ERGIC2: variants seen among roughly 807,000 people sequenced by gnomAD.
ERGIC2 encodes the protein endoplasmic reticulum-Golgi intermediate compartment protein 2.
In ERGIC2, 31 loss-of-function variants were observed where a neutral mutation model predicts 52.5. The observed-to-expected ratio is 0.59, with a 90% CI of 0.44 to 0.80. The LOEUF (loss-of-function observed/expected upper bound fraction) is 0.80. Ranked by LOEUF, ERGIC2 falls within the 30% of genes least tolerant of loss-of-function variation. The probability of loss-of-function intolerance (pLI) is 0.00; values close to 1 mark genes in which losing one functional copy is unlikely to be tolerated. For synonymous variants in ERGIC2, 129 were observed against 140.6 expected (o/e 0.92, Z 0.58); for missense variants, 395 against 455.2 (o/e 0.87, Z 1.20).
chr12:29,357,775 T>G, intron 6 of ERGIC2, 51 bp from the exon 7 acceptor site: 3 of 970,888 alleles, frequency 3.1e-6, no homozygotes, highest in Non-Finnish European at 4.9e-6. Context: ...CAAAGAGAGC[T>G]GACACTTATT....
chr12:29,344,201 A>AT (rs764026048), intron 11 of ERGIC2, among the ~76,000 whole-genome samples: 38 of 152,286 alleles, frequency 2.5e-4, no homozygotes, highest in Non-Finnish European at 5.4e-4. Context: ...ACTATTACAG[A>AT]TAACAATGCA....
Position 29,381,119 on chromosome 12 carries a change from T to G in ERGIC2, c.-42A>C, listed in dbSNP as rs1940583156. 1 of 152,134 alleles carries G rather than the reference T, an allele frequency of 6.6e-6. No individual in the cohort carries two copies. Among genetic ancestry groups the G allele is most frequent in the Non-Finnish European group, 1.5e-5 (1 of 68,036 alleles). The allele number at this position is 152,134 out of a possible 1,614,324, so 9.4% of individuals were successfully genotyped here. A position where few individuals can be genotyped will look rare whatever the true frequency, so the allele number is the denominator to read the frequency against. On this transcript the variant is annotated 5_prime_UTR_variant, in exon 1 of 14. Coordinates refer to ENST00000360150, the MANE Select transcript of ERGIC2 (RefSeq NM_016570.3). ...AGCGGTGTTTCAGTATTTTACCTTG[T>G]GTTATGGTCCCAGCCTACCGCCATG... is the stretch of plus-strand genomic sequence containing the variant.
At chr12:29,369,545 T>C (rs921225121) in intron 3 of ERGIC2, among the ~76,000 whole-genome samples, 3 of 152,008 alleles carry the variant, frequency 2.0e-5, no homozygotes, top group South Asian at 4.1e-4. Flanking sequence ...CAAACCTGGA[T>C]TGTAATTGAA....
intron 8 of ERGIC2, among the ~76,000 whole-genome samples, chr12:29,352,740 T>C (rs888457235): frequency 1.3e-5 from 2 of 152,188 alleles, no homozygotes; most frequent in African/African-American, 4.8e-5. Flanking sequence ...AAACAGGTAG[T>C]AGGCTGGATT....
chr12:29,361,618 G>A, intron 6 of ERGIC2, 27 bp downstream of exon 6: 1 of 1,557,674 alleles, frequency 6.4e-7, no homozygotes, highest in Non-Finnish European at 8.7e-7. Flanking sequence ...GATTTCTATG[G>A]ACCACAATAC....
At position 29,339,930 on chromosome 12, in the gene ERGIC2, C is replaced by T. The variant is rs1949825103; in HGVS notation, c.*1226G>A. 1 of 152,100 alleles carries T rather than the reference C, an allele frequency of 6.6e-6. No homozygotes were observed. The highest frequency in any genetic ancestry group is 1.5e-5 in the Non-Finnish European group (1 of 67,988). 9.4% of individuals were successfully genotyped at this position (152,100 alleles called of 1,614,324 possible). A position where few individuals can be genotyped will look rare whatever the true frequency, so the allele number is the denominator to read the frequency against. Reference sequence around the variant, plus strand: ...CTGATTCTTCTACTGCCATTCAGTACTACAAAAGGAAAACTGATATTGGTA... The same window carrying T: ...CTGATTCTTCTACTGCCATTCAGTATTACAAAAGGAAAACTGATATTGGTA... On this transcript the variant is annotated 3_prime_UTR_variant, in exon 14 of 14. Coordinates refer to ENST00000360150, the MANE Select transcript of ERGIC2 (RefSeq NM_016570.3).
intron 1 of ERGIC2, among the ~76,000 whole-genome samples, chr12:29,375,657 A>T (rs1940504759): frequency 6.6e-6 from 1 of 152,206 alleles, no homozygotes; most frequent in African/African-American, 2.4e-5. Flanking sequence ...ATAAGCATAA[A>T]GATACGGCAA....
intron 3 of ERGIC2, 79 bp downstream of exon 3, chr12:29,370,035 C>CT (rs1345093270): frequency 7.8e-7 from 1 of 1,283,792 alleles, no homozygotes; most frequent in Non-Finnish European, 1.0e-6. Flanking sequence ...GAAGGTTAGA[C>CT]TTTTTCTTTT....
At chr12:29,360,995 C>A (rs1940277276) in intron 6 of ERGIC2, among the ~76,000 whole-genome samples, 1 of 152,078 alleles carries the variant, frequency 6.6e-6, no homozygotes, top group South Asian at 2.1e-4. Context: ...GCCTGTAATC[C>A]CAGCCCTCTG....
At chr12:29,355,534 A>G (rs564673843) in intron 8 of ERGIC2, among the ~76,000 whole-genome samples, 2 of 152,282 alleles carry the variant, frequency 1.3e-5, no homozygotes, top group East Asian at 3.9e-4. Flanking sequence ...GGATCTATTT[A>G]TTCATTCAAA....
rs768448921 is a variant in ERGIC2 at position 29,341,147 on chromosome 12, C to A, written c.*9G>T. On this transcript the variant is annotated 3_prime_UTR_variant, in exon 14 of 14. Transcript: ENST00000360150. Reference sequence around the variant, plus strand: ...AGGCAAAAAGTTTTTCTCCTTCAATCGGGAGGTGTTAATGTGTATTATTTT... The same window carrying A: ...AGGCAAAAAGTTTTTCTCCTTCAATAGGGAGGTGTTAATGTGTATTATTTT... 6.3e-7 allele frequency: 1 copy of A among 1,599,142 alleles called. No individual in the cohort carries two copies. The highest frequency in any genetic ancestry group is 8.5e-7 in the Non-Finnish European group (1 of 1,170,464).
At chr12:29,343,025 A>G (rs1949849967) in intron 12 of ERGIC2, 95 bp downstream of exon 12, 2 of 1,057,754 alleles carry the variant, frequency 1.9e-6, no homozygotes, top group Non-Finnish European at 2.6e-6. Flanking sequence ...ACACCGAAAC[A>G]TGAAAATCTG....
rs969648609 is a variant in ERGIC2 at position 29,337,709 on chromosome 12, G to A, written c.*3447C>T. ...TTAAAAGGCATGCTGAGATTTTAAA[G>A]GTCCTAAAGCTCAGGTTTAAGTAAC... On this transcript the variant is annotated 3_prime_UTR_variant, in exon 14 of 14. Coordinates refer to ENST00000360150, the MANE Select transcript of ERGIC2 (RefSeq NM_016570.3). 3 of 152,126 alleles carry A rather than the reference G, an allele frequency of 2.0e-5. No individual in the cohort carries two copies. The highest frequency in any genetic ancestry group is 2.9e-5 in the Non-Finnish European group (2 of 68,014). 9.4% of individuals were successfully genotyped at this position (152,126 alleles called of 1,614,324 possible).
At chr12:29,350,940 T>C (rs185033532) in intron 8 of ERGIC2, among the ~76,000 whole-genome samples, 25 of 152,230 alleles carry the variant, frequency 1.6e-4, no homozygotes, top group African/African-American at 5.5e-4. Flanking sequence ...TGGTTTTCCC[T>C]TATACTTTTA....
At chr12:29,360,268 C>G (rs948751373) in intron 6 of ERGIC2, among the ~76,000 whole-genome samples, 3 of 151,656 alleles carry the variant, frequency 2.0e-5, no homozygotes, top group African/African-American at 7.3e-5. Flanking sequence ...GAATTAGGTT[C>G]AAGAATGTTC....
intron 6 of ERGIC2, among the ~76,000 whole-genome samples, chr12:29,357,947 G>C (rs1368548339): frequency 6.6e-6 from 1 of 152,184 alleles, no homozygotes; most frequent in East Asian, 1.9e-4. Context: ...AAGCTTGTTT[G>C]ATTCCATCAG....
At chr12:29,368,420 T>A (rs1288831113) in intron 3 of ERGIC2, 133 bp from the exon 4 acceptor site, 1 of 566,518 alleles carries the variant, frequency 1.8e-6, no homozygotes, top group Admixed American at 3.4e-5. Context: ...TGAATTGCAT[T>A]TCTCATGGCC....
intron 5 of ERGIC2, among the ~76,000 whole-genome samples, chr12:29,363,208 C>A (rs909198261): frequency 3.3e-5 from 5 of 152,054 alleles, no homozygotes; most frequent in Non-Finnish European, 7.4e-5. Flanking sequence ...TACTTTCCCA[C>A]CTTTTAAAAA....
intron 5 of ERGIC2, among the ~76,000 whole-genome samples, chr12:29,363,961 C>T (rs1486741740): frequency 2.6e-5 from 4 of 151,876 alleles, no homozygotes; most frequent in Admixed American, 2.6e-4. Flanking sequence ...TCTCAGCATC[C>T]AAAAGAAACA....
Sources: allele counts gnomAD v4.1 joint callset (sites outside exome capture counted in the v4.1 genomes callset), GRCh38; gene constraint gnomAD v4.1.1; transcripts MANE v1.5; gene names NCBI Gene and HGNC (gene_info 2026-07-23, HGNC 2026-07-21).